The following ESCO1 variants were observed in gnomAD, a reference collection of about 807,000 sequenced individuals.
ESCO1 encodes N-acetyltransferase ESCO1.
A neutral mutation model predicts 83.5 loss-of-function variants in ESCO1; 33 were observed. The ratio of observed to expected loss-of-function variants is 0.40; its 90% CI spans 0.30 to 0.53. ESCO1 has a LOEUF of 0.53. Ranked by LOEUF, ESCO1 falls within the 20% of genes least tolerant of loss-of-function variation. The pLI, the probability that ESCO1 is intolerant of heterozygous loss-of-function variation, is 0.63. For synonymous variants in ESCO1, 332 were observed against 324.3 expected (o/e 1.02, Z -0.25); for missense variants, 855 against 968.0 (o/e 0.88, Z 1.55).
chr18:21,530,285 A>T lies in ESCO1; in HGVS notation c.*58T>A. On this transcript the variant is annotated 3_prime_UTR_variant, in exon 12 of 12. Coordinates refer to ENST00000269214, the MANE Select transcript of ESCO1 (RefSeq NM_052911.3). ...ATGGCCCTAGTTCCTGGTTAAAGTC[A>T]GCAACCAATCCATTCTCTTCAATAG... The T allele has an allele frequency of 7.1e-7, 1 of 1,411,592 alleles. No individual in the cohort carries two copies. Among genetic ancestry groups the T allele is most frequent in the Non-Finnish European group, 9.3e-7 (1 of 1,072,914 alleles). 87.4% of individuals were successfully genotyped at this position (1,411,592 alleles called of 1,614,324 possible).
chr18:21,577,679 G>C (rs1261732506), intron 2 of ESCO1, among the ~76,000 whole-genome samples: 1 of 143,930 alleles, frequency 6.9e-6, no homozygotes, highest in Non-Finnish European at 1.5e-5. Flanking sequence ...AAAAAAAAAA[G>C]CAGATATTCT....
intron 2 of ESCO1, among the ~76,000 whole-genome samples, chr18:21,581,841 G>A (rs1433658209): frequency 2.0e-5 from 3 of 150,304 alleles, no homozygotes; most frequent in Non-Finnish European, 2.9e-5. Context: ...AACATAGCAA[G>A]ATTCCATCTC....
At chr18:21,563,902 G>A (rs1435062583) in intron 7 of ESCO1, among the ~76,000 whole-genome samples, 1 of 140,818 alleles carries the variant, frequency 7.1e-6, no homozygotes, top group African/African-American at 2.5e-5. Context: ...ATGCCCTCCT[G>A]CTGGGGTGAG....
At chr18:21,563,056 A>G (rs571761380) in intron 7 of ESCO1, among the ~76,000 whole-genome samples, 2 of 151,910 alleles carry the variant, frequency 1.3e-5, no homozygotes, top group South Asian at 4.2e-4. Context: ...TTTTTAGTAG[A>G]GATGGGCTTT....
intron 8 of ESCO1, among the ~76,000 whole-genome samples, chr18:21,553,425 G>A (rs1466135173): frequency 4.0e-5 from 5 of 126,424 alleles, no homozygotes; most frequent in South Asian, 5.0e-4. Context: ...AGATGACACC[G>A]CAACACTCCA....
chr18:21,586,632 G>C (rs908706098), intron 1 of ESCO1, among the ~76,000 whole-genome samples: 1 of 152,082 alleles, frequency 6.6e-6, no homozygotes, highest in Non-Finnish European at 1.5e-5. Flanking sequence ...AGTTCTAATA[G>C]GTTTTTTTGT....
At chr18:21,594,631 G>A (rs540377189) in intron 1 of ESCO1, among the ~76,000 whole-genome samples, 2 of 151,606 alleles carry the variant, frequency 1.3e-5, no homozygotes, top group African/African-American at 4.8e-5. Context: ...GTGAACCCAG[G>A]AGGCGGAGCT....
chr18:21,596,299 T>G (rs2038766094), intron 1 of ESCO1, among the ~76,000 whole-genome samples: 1 of 151,936 alleles, frequency 6.6e-6, no homozygotes, highest in Non-Finnish European at 1.5e-5. Flanking sequence ...ACATAATTTT[T>G]AAGAGTATAA....
intron 8 of ESCO1, among the ~76,000 whole-genome samples, chr18:21,556,764 G>A (rs777751297): frequency 4.0e-5 from 6 of 151,874 alleles, no homozygotes; most frequent in South Asian, 2.1e-4. Context: ...ACAGTGGCAC[G>A]ATCTCGGCTC....
intron 2 of ESCO1, 27 bp from the exon 3 acceptor site, chr18:21,575,804 G>A: frequency 2.5e-6 from 1 of 397,360 alleles, no homozygotes; most frequent in Admixed American, 4.4e-5. Context: ...TTTTTTTAAT[G>A]TTCAAAAGGA....
chr18:21,581,404 T>C (rs2038500749), intron 2 of ESCO1, among the ~76,000 whole-genome samples: 1 of 151,818 alleles, frequency 6.6e-6, no homozygotes, highest in African/African-American at 2.4e-5. Flanking sequence ...TTCCAACATA[T>C]GAATTTGTAG....
chr18:21,595,926 TG>T (rs1441016172), intron 1 of ESCO1, among the ~76,000 whole-genome samples: 4 of 151,780 alleles, frequency 2.6e-5, no homozygotes, highest in Non-Finnish European at 4.4e-5. Flanking sequence ...ATCACGCCAC[TG>T]CACTCCACCC....
At chr18:21,542,638 T>C (rs868594619) in intron 8 of ESCO1, among the ~76,000 whole-genome samples, 1 of 152,204 alleles carries the variant, frequency 6.6e-6, no homozygotes, top group Non-Finnish European at 1.5e-5. Context: ...ATCAATGCAC[T>C]AATCTAACAA....
chr18:21,535,967 G>A (rs2037831682), intron 10 of ESCO1, 75 bp downstream of exon 10: 5 of 1,529,200 alleles, frequency 3.3e-6, no homozygotes, highest in Admixed American at 3.9e-5. Flanking sequence ...AATTTATCAG[G>A]ATTTATGTTA....
intron 8 of ESCO1, among the ~76,000 whole-genome samples, chr18:21,558,667 C>T (rs2038143084): frequency 7.1e-6 from 1 of 140,544 alleles, no homozygotes; most frequent in South Asian, 2.2e-4. Context: ...GTGGAGGAGG[C>T]AGTGAGCCAA....
rs554626862 is a variant in ESCO1, at chr18:21,573,621, T to A, written c.1223A>T (p.Asp408Val). 3 of 1,614,070 alleles carry A rather than the reference T, an allele frequency of 1.9e-6. No homozygotes were observed. In the South Asian group the frequency reaches 3.3e-5, roughly 18 times the overall value. Residue 408 changes from aspartate (D) to valine (V), a missense_variant, in exon 4 of 12, where the codon GAC (aspartate) becomes GTC (valine). By Grantham distance (152) the Asp-to-Val change is radical (BLOSUM62 -3). This residue lies in a region of ESCO1 where 726 missense variants were observed against 699.5 expected (regional missense o/e 1.04). Transcript: ENST00000269214. ...GCCTAATTTAGGGGAAACTTGAGAG[T>A]CCAACTTATTGTGCTGCACAGAGTT... is the stretch of plus-strand genomic sequence containing the variant. ...KFNSVQHNKL[D>V]SQVSPKLGLL...
At chr18:21,591,223 A>G (rs947822560) in intron 1 of ESCO1, among the ~76,000 whole-genome samples, 2 of 152,236 alleles carry the variant, frequency 1.3e-5, no homozygotes, top group African/African-American at 4.8e-5. Context: ...CTTGTAAGAG[A>G]AGGAGACAGA....
chr18:21,539,959 T>C lies in ESCO1; in HGVS notation c.2004A>G (p.Ile668Met). The C allele has an allele frequency of 6.2e-7, 1 of 1,613,864 alleles. No homozygotes were observed. Among genetic ancestry groups the C allele is most frequent in the South Asian group, 1.1e-5 (1 of 91,030 alleles). ...ACTTTGGGTCTTCAGGAAGAACCATTATTATCCTGCCATCAGGGTATTCAG... is the reference window on the plus strand; with the variant it reads ...ACTTTGGGTCTTCAGGAAGAACCATCATTATCCTGCCATCAGGGTATTCAG... The part of the protein sequence containing the change: ...ILAEYPDGRI[I>M]MVLPEDPKYA... The change falls in exon 9 of 12, where the codon ATA (isoleucine) becomes ATG (methionine). Residue 668 changes from isoleucine to methionine, a missense_variant. Coordinates refer to ENST00000269214, the MANE Select transcript of ESCO1 (RefSeq NM_052911.3).
chr18:21,535,026 AGC>A (rs2037816508), intron 10 of ESCO1, among the ~76,000 whole-genome samples: 1 of 152,130 alleles, frequency 6.6e-6, no homozygotes, highest in South Asian at 2.1e-4. Context: ...GTACAAAAGT[AGC>A]CATAAATATG....
Sources: gnomAD v4.1 joint callset for allele counts (sites outside exome capture counted in the v4.1 genomes callset) on GRCh38, gnomAD v4.1.1 for gene constraint, gnomAD v4.1.1 regional missense constraint, MANE v1.5 for transcripts, NCBI Gene and HGNC (gene_info 2026-07-23, HGNC 2026-07-21) for gene names.